Variants in KIAA1671 observed in about 807,000 individuals in gnomAD.
KIAA1671 encodes the protein KIAA1671.
A neutral mutation model predicts 131.2 loss-of-function variants in KIAA1671; 52 were observed. That is an observed-to-expected ratio of 0.40 (90% CI 0.32 to 0.50). The LOEUF (loss-of-function observed/expected upper bound fraction) is 0.50, where lower values mean the gene tolerates loss of function less well. Among genes scored for constraint, KIAA1671 ranks in the 20% least tolerant of loss-of-function variants. The pLI is 0.73. For synonymous variants in KIAA1671, 1,003 were observed against 961.6 expected (o/e 1.04, Z -0.80); for missense variants, 2,360 against 2,364.2 (o/e 1.00, Z 0.04).
intron 6 of KIAA1671, among the ~76,000 whole-genome samples, chr22:25,125,608 G>A (rs570841620): frequency 1.3e-5 from 2 of 152,296 alleles, no homozygotes; most frequent in African/African-American, 4.8e-5. Context: ...TCTGTCATAG[G>A]GAGCTGTCCT....
At chr22:25,009,253 C>CTTTTT (rs35147267) in intron 1 of KIAA1671, among the ~76,000 whole-genome samples, 3 of 62,766 alleles carry the variant, frequency 4.8e-5, no homozygotes, top group Admixed American at 2.0e-4. Context: ...CCCTTCCCCA[C>CTTTTT]TTTTTTTTTT....
intron 6 of KIAA1671, among the ~76,000 whole-genome samples, chr22:25,095,243 A>G (rs1345582679): frequency 6.6e-6 from 1 of 152,208 alleles, no homozygotes; most frequent in Non-Finnish European, 1.5e-5. Flanking sequence ...GGGGAAAGGT[A>G]GGTGTGGTTC....
chr22:25,091,557 A>G (rs1026950080), intron 6 of KIAA1671, among the ~76,000 whole-genome samples: 8 of 152,252 alleles, frequency 5.3e-5, no homozygotes, highest in African/African-American at 1.2e-4. Context: ...TGCCTATTCT[A>G]TATCAGCAGA....
chr22:25,162,964 A>C (rs757930623), intron 6 of KIAA1671, among the ~76,000 whole-genome samples: 51 of 152,228 alleles, frequency 3.4e-4, no homozygotes, highest in Admixed American at 7.2e-4. Context: ...TGATGTGTAC[A>C]TATACTCCCA....
At chr22:25,164,313 C>A (rs1933563033) in intron 6 of KIAA1671, among the ~76,000 whole-genome samples, 2 of 152,204 alleles carry the variant, frequency 1.3e-5, no homozygotes, top group Admixed American at 1.3e-4. Context: ...GAACTAAGAG[C>A]CCCATAGCTG....
intron 1 of KIAA1671, among the ~76,000 whole-genome samples, chr22:24,958,294 AGTATTGCTT>A (rs930156063): frequency 6.6e-6 from 1 of 151,850 alleles, no homozygotes; most frequent in African/African-American, 2.4e-5. Context: ...CTGAGATGGG[AGTATTGCTT>A]GAGCCCAGGA....
At chr22:24,988,604 C>T (rs1007670367) in intron 1 of KIAA1671, among the ~76,000 whole-genome samples, 5 of 151,694 alleles carry the variant, frequency 3.3e-5, no homozygotes, top group African/African-American at 7.3e-5. Flanking sequence ...GGCATGGTGG[C>T]TAGTGCCTGT....
At chr22:25,025,489 A>C (rs1925897812) in intron 1 of KIAA1671, 144 bp from the exon 2 acceptor site, 1 of 152,220 alleles carries the variant, frequency 6.6e-6, no homozygotes, top group Non-Finnish European at 1.5e-5. Flanking sequence ...ATAAGGCTAC[A>C]AAATCGAAAA....
intron 1 of KIAA1671, among the ~76,000 whole-genome samples, chr22:24,978,362 C>T (rs117870848): frequency 1.3e-3 from 205 of 152,298 alleles, no homozygotes; most frequent in East Asian, 0.012. Context: ...CCTGCCATGA[C>T]TCTGAGGCCT....
rs541357283 is a variant in KIAA1671, at chr22:25,006,899, C to G, written c.-207-18734C>G. Among the ~76,000 whole-genome samples, 4 of 152,274 alleles carry G rather than the reference C, an allele frequency of 2.6e-5. 1 individual carries two copies. The highest frequency in any genetic ancestry group is 3.9e-4 in the East Asian group (2 of 5,182). ...CAGGATAATCTTCCTGTCTCAAGAGCCTTAACTTAATCACATCTGCAAAGT... is the reference window on the plus strand; with the variant it reads ...CAGGATAATCTTCCTGTCTCAAGAGGCTTAACTTAATCACATCTGCAAAGT... On this transcript the variant is annotated intron_variant, in intron 1 of 12. Coordinates refer to ENST00000358431, the MANE Select transcript of KIAA1671 (RefSeq NM_001145206.2).
At chr22:25,140,461 C>T (rs1228267662) in intron 6 of KIAA1671, among the ~76,000 whole-genome samples, 2 of 152,152 alleles carry the variant, frequency 1.3e-5, no homozygotes, top group Non-Finnish European at 2.9e-5. Context: ...CTGCAAGCTC[C>T]GCCTCCCAGG....
At chr22:25,187,635 G>C (rs1934523477) in intron 11 of KIAA1671, among the ~76,000 whole-genome samples, 1 of 152,044 alleles carries the variant, frequency 6.6e-6, no homozygotes, top group African/African-American at 2.4e-5. Context: ...CAGCCTCCAT[G>C]AGTGGCTGGA....
intron 1 of KIAA1671, among the ~76,000 whole-genome samples, chr22:24,954,841 C>A (rs927832960): frequency 6.6e-6 from 1 of 152,130 alleles, no homozygotes; most frequent in Non-Finnish European, 1.5e-5. Context: ...AGTGCAATGG[C>A]GCGATCTCGG....
intron 3 of KIAA1671, among the ~76,000 whole-genome samples, chr22:25,031,398 G>T (rs375702926): frequency 1.3e-5 from 2 of 151,800 alleles, no homozygotes; most frequent in African/African-American, 4.8e-5. Flanking sequence ...AGGTTTCACC[G>T]TGTTAGTCAG....
At position 25,181,746 on chromosome 22, in the gene KIAA1671, T is replaced by A; in HGVS notation, c.5122T>A (p.Ser1708Thr). 1.3e-6 allele frequency: 2 copies of A among 1,551,542 alleles called. No homozygotes were observed. Among genetic ancestry groups the A allele is most frequent in the Non-Finnish European group, 1.7e-6 (2 of 1,146,936 alleles). Residue 1708 changes from serine to threonine, a missense_variant, in exon 10 of 13, where the codon TCC becomes ACC. Physicochemically the swap from Ser to Thr is moderately conservative, Grantham distance 58. Transcript: ENST00000358431. ...KEESDEEETASKAERTPVSHP... is the reference protein window; with the variant it reads ...KEESDEEETATKAERTPVSHP... ...GGAGTCGGATGAGGAGGAGACGGCATCCAAAGCTGAGAGGACCCCTGTCAG... is the reference window on the plus strand; with the variant it reads ...GGAGTCGGATGAGGAGGAGACGGCAACCAAAGCTGAGAGGACCCCTGTCAG...
chr22:25,188,835 G>A (rs1934564974), intron 11 of KIAA1671, among the ~76,000 whole-genome samples: 2 of 152,160 alleles, frequency 1.3e-5, no homozygotes, highest in Admixed American at 1.3e-4. Flanking sequence ...GAAGAGGAGG[G>A]ATTGGTCTTG....
At chr22:24,986,970 G>A (rs1923578582) in intron 1 of KIAA1671, among the ~76,000 whole-genome samples, 1 of 151,802 alleles carries the variant, frequency 6.6e-6, no homozygotes, top group Non-Finnish European at 1.5e-5. Flanking sequence ...CAGGCCATAA[G>A]ACCTCTGTCA....
chr22:25,127,017 G>A (rs1209096468), intron 6 of KIAA1671, among the ~76,000 whole-genome samples: 1 of 152,120 alleles, frequency 6.6e-6, no homozygotes, highest in Non-Finnish European at 1.5e-5. Flanking sequence ...TTTTTTAGAG[G>A]TTGTGGTGTG....
intron 1 of KIAA1671, among the ~76,000 whole-genome samples, chr22:24,958,041 G>T (rs186598761): frequency 7.0e-5 from 10 of 143,090 alleles, no homozygotes; most frequent in Non-Finnish European, 1.0e-4. Context: ...CGACTTTACA[G>T]TTCATGAAAC....
Sources: gnomAD v4.1 joint callset for allele counts (sites outside exome capture counted in the v4.1 genomes callset) on GRCh38, gnomAD v4.1.1 for gene constraint, MANE v1.5 for transcripts, NCBI Gene and HGNC (gene_info 2026-07-23, HGNC 2026-07-21) for gene names.